The following PRMT9 variants were observed in gnomAD, a reference collection of about 807,000 sequenced individuals.
PRMT9 encodes protein arginine methyltransferase 9.
In PRMT9, 59 loss-of-function variants were observed where a neutral mutation model predicts 83.2. The ratio of observed to expected loss-of-function variants is 0.71; its 90% CI spans 0.57 to 0.88. The LOEUF (loss-of-function observed/expected upper bound fraction) is 0.88, where lower values mean the gene tolerates loss of function less well. Among genes scored for constraint, PRMT9 ranks in the 40% least tolerant of loss-of-function variants. PRMT9 has a pLI of 0.00. For synonymous variants in PRMT9, 333 were observed against 353.2 expected, an observed-to-expected ratio of 0.94 and a Z score of 0.64; for missense variants, 947 against 1,021.9, an observed-to-expected ratio of 0.93 and a Z score of 1.00.
intron 9 of PRMT9, among the ~76,000 whole-genome samples, chr4:147,648,403 CA>C (rs1733872333): frequency 6.6e-6 from 1 of 152,226 alleles, no homozygotes; most frequent in African/African-American, 2.4e-5. Flanking sequence ...TAGCTGAACA[CA>C]TGGAGGTTCC....
In PRMT9 at chr4:147,672,854, A is replaced by G. The variant is rs559936067; in HGVS notation, c.743+105T>C. ...TTATCCTATATCCATATCTTTACAAAATAAGGGTTTTGTAGCATTTTGTTT... is the reference window on the plus strand; with the variant it reads ...TTATCCTATATCCATATCTTTACAAGATAAGGGTTTTGTAGCATTTTGTTT... On this transcript the variant is annotated intron_variant, in intron 4 of 11. Transcript: ENST00000322396. 6 of 835,976 alleles carry G rather than the reference A, an allele frequency of 7.2e-6. No individual in the cohort carries two copies. The East Asian group carries it at 1.3e-4, about 18-fold the overall frequency. The allele number at this position is 835,976 out of a possible 1,614,324, so 51.8% of individuals were successfully genotyped here. A position where few individuals can be genotyped will look rare whatever the true frequency, so the allele number is the denominator to read the frequency against.
intron 1 of PRMT9, among the ~76,000 whole-genome samples, chr4:147,681,375 G>A (rs1736456957): frequency 3.3e-5 from 5 of 152,168 alleles, no homozygotes; most frequent in Admixed American, 3.3e-4. Context: ...GCAATACTGT[G>A]GAAAGAGGGA....
chr4:147,645,406 A>C (rs1733665656), intron 9 of PRMT9, among the ~76,000 whole-genome samples: 1 of 152,218 alleles, frequency 6.6e-6, no homozygotes, highest in Non-Finnish European at 1.5e-5. Context: ...GAAGAAAAGC[A>C]ATGAAGAATA....
At chr4:147,656,959 A>G (rs1734550064) in intron 8 of PRMT9, among the ~76,000 whole-genome samples, 1 of 151,586 alleles carries the variant, frequency 6.6e-6, no homozygotes, top group Non-Finnish European at 1.5e-5. Flanking sequence ...TAATTCAACT[A>G]CTTTAAACTT....
rs149571646 is a variant in PRMT9 at position 147,664,548 on chromosome 4, C to G, written c.954-3510G>C. On this transcript the variant is annotated intron_variant, in intron 6 of 11. Transcript: ENST00000322396. ...ATGTGGTACTATATAAGCAATGCAT[C>G]CTCAAAGCATCAAATCTGGAGCAAT... Among the ~76,000 whole-genome samples, 522 of 152,248 alleles carry G rather than the reference C, an allele frequency of 3.4e-3. 4 individuals are homozygous for G. The highest frequency in any genetic ancestry group is 0.012 in the African/African-American group (502 of 41,536).
Position 147,660,969 on chromosome 4 carries a change from A to C in PRMT9, c.1023T>G (p.Ser341=). 6.2e-7 allele frequency: 1 copy of C among 1,613,084 alleles called. No homozygotes were observed. The highest frequency in any genetic ancestry group is 8.5e-7 in the Non-Finnish European group (1 of 1,179,108). The part of the protein sequence containing the change: ...TNVKFQSPAY[S]SVDTEETIEP... ...CAATTGTTTCTTCAGTATCTACAGA[A>C]GAATAAGCCGGACTCTGAAATTTCA... The change falls in exon 7 of 12, where the codon TCT becomes TCG. Residue 341 remains serine (S), a synonymous_variant. Transcript: ENST00000322396.
intron 6 of PRMT9, among the ~76,000 whole-genome samples, chr4:147,662,033 G>A (rs1465570518): frequency 1.3e-5 from 2 of 151,990 alleles, no homozygotes; most frequent in Non-Finnish European, 2.9e-5. Flanking sequence ...TGAGAATATA[G>A]TCAACAGAAA....
At position 147,662,098 on chromosome 4, in the gene PRMT9, TCTG is replaced by T. The variant is rs1024833509; in HGVS notation, c.954-1063_954-1061del. Among the ~76,000 whole-genome samples, 525 of 152,256 alleles carry T rather than the reference TCTG, an allele frequency of 3.4e-3. 4 individuals are homozygous for T. The highest frequency in any genetic ancestry group is 0.012 in the African/African-American group (504 of 41,558). On this transcript the variant is annotated intron_variant, in intron 6 of 11. Transcript: ENST00000322396. ...CAAGAATGTTTATAGCTACACTGCT[TCTG>T]ATAGCGAAAAAAAACTGATATAACC...
At chr4:147,647,735 CT>C (rs1733824097) in intron 9 of PRMT9, among the ~76,000 whole-genome samples, 1 of 151,966 alleles carries the variant, frequency 6.6e-6, no homozygotes, top group South Asian at 2.1e-4. Flanking sequence ...GTTGGCCAGG[CT>C]AGTCTCAAAC....
rs754788212 is a variant in PRMT9 at position 147,673,761 on chromosome 4, C to T, written c.452G>A (p.Arg151His). Residue 151 changes from arginine (R) to histidine (H), a missense_variant, in exon 3 of 12, where the codon CGC becomes CAC. Transcript: ENST00000322396. Reference protein sequence around the residue: ...FYRVANWLVERWHFIMLNDTK... With the variant: ...FYRVANWLVEHWHFIMLNDTK... ...GTCATTAAGCATGATAAAGTGCCAG[C>T]GTTCCACCAACCAGTTTGCAACACG... is the stretch of plus-strand genomic sequence containing the variant. The T allele has an allele frequency of 2.3e-5, 37 of 1,613,740 alleles. No homozygotes were observed. The highest frequency in any genetic ancestry group is 1.1e-4 in the South Asian group (10 of 91,072).
chr4:147,679,655 C>T (rs145939011), intron 2 of PRMT9, among the ~76,000 whole-genome samples: 5 of 152,116 alleles, frequency 3.3e-5, no homozygotes, highest in East Asian at 3.9e-4. Context: ...GGCTGAGGAA[C>T]GAGAATCACT....
At chr4:147,661,634 CA>C (rs1445855605) in intron 6 of PRMT9, among the ~76,000 whole-genome samples, 1 of 151,728 alleles carries the variant, frequency 6.6e-6, no homozygotes, top group Admixed American at 6.6e-5. Context: ...ACTAAAAATA[CA>C]AAAGATTAGC....
intron 4 of PRMT9, among the ~76,000 whole-genome samples, chr4:147,672,454 G>C (rs2036498): frequency 0.86 from 131,249 of 152,260 alleles, 58,793 homozygotes; most frequent in Non-Finnish European, 0.98. Context: ...GATATGGATC[G>C]GAGTGAGAAA....
chr4:147,639,111 ACTTTTT>A (rs754697158), intron 10 of PRMT9, 29 bp from the exon 11 acceptor site: 124 of 1,611,678 alleles, frequency 7.7e-5, no homozygotes, highest in Non-Finnish European at 1.0e-4. Flanking sequence ...TTTCACTTTC[ACTTTTT>A]CTTTTTGTGG....
intron 4 of PRMT9, among the ~76,000 whole-genome samples, chr4:147,671,584 A>C (rs1171147845): frequency 2.0e-5 from 3 of 152,228 alleles, no homozygotes; most frequent in Non-Finnish European, 4.4e-5. Flanking sequence ...GGTATCCTCC[A>C]CAGTGGCTAA....
chr4:147,652,865 T>C (rs1244835600), intron 9 of PRMT9, among the ~76,000 whole-genome samples: 3 of 152,164 alleles, frequency 2.0e-5, no homozygotes, highest in Admixed American at 2.0e-4. Flanking sequence ...TATATTCATG[T>C]TAGTGAGAGC....
chr4:147,654,527 A>G lies in PRMT9; in HGVS notation c.1370T>C (p.Val457Ala). Residue 457 changes from valine (V) to alanine (A), a missense_variant, in exon 9 of 12, where the codon GTA (valine) becomes GCA (alanine). Coordinates refer to ENST00000322396, the MANE Select transcript of PRMT9 (RefSeq NM_138364.4). ...TCTTAAGTAACAGTCTTGACAAGATACTTCCATCATCACATGGTCTCCAGG... is the reference window on the plus strand; with the variant it reads ...TCTTAAGTAACAGTCTTGACAAGATGCTTCCATCATCACATGGTCTCCAGG... The part of the protein sequence containing the change: ...IKPGDHVMME[V>A]SCQDCYLRIQ... 1 of 1,613,698 alleles carries G rather than the reference A, an allele frequency of 6.2e-7. No individual in the cohort carries two copies. Among genetic ancestry groups the G allele is most frequent in the Non-Finnish European group, 8.5e-7 (1 of 1,179,832 alleles).
chr4:147,666,600 T>C (rs115942965), intron 6 of PRMT9, among the ~76,000 whole-genome samples: 1,736 of 152,296 alleles, frequency 0.011, 31 homozygotes, highest in African/African-American at 0.04. Flanking sequence ...TTGCTGTTTT[T>C]TACTTCTAGG....
intron 6 of PRMT9, among the ~76,000 whole-genome samples, chr4:147,661,821 T>C (rs1283734803): frequency 7.8e-6 from 1 of 128,900 alleles, no homozygotes; most frequent in South Asian, 2.5e-4. Context: ...AAATTCACAA[T>C]GCATACTACG....
Sources: allele counts gnomAD v4.1 joint callset (sites outside exome capture counted in the v4.1 genomes callset), GRCh38; gene constraint gnomAD v4.1.1; transcripts MANE v1.5; gene names NCBI Gene and HGNC (gene_info 2026-07-23, HGNC 2026-07-21).